The following IL2RA variants were observed in gnomAD, a reference collection of about 807,000 sequenced individuals.
The protein encoded by IL2RA is interleukin-2 receptor subunit alpha.
IL2RA carries 24 observed loss-of-function variants against 37.8 expected under a neutral mutation model. The observed-to-expected ratio is 0.63, with a 90% confidence interval of 0.46 to 0.89. The LOEUF is 0.89. IL2RA is among the 40% of genes least tolerant of loss of function. The pLI is 0.00. For synonymous variants in IL2RA, 125 were observed against 114.6 expected, an observed-to-expected ratio of 1.09 and a Z score of -0.58; for missense variants, 319 against 348.6, an observed-to-expected ratio of 0.92 and a Z score of 0.68.
Position 6,015,907 on chromosome 10 carries a change from G to A in IL2RA, c.794+2146C>T, listed in dbSNP as rs1004268251. Among the ~76,000 whole-genome samples, 1 of 152,154 alleles carries A rather than the reference G, an allele frequency of 6.6e-6. No homozygotes were observed. The highest frequency in any genetic ancestry group is 1.5e-5 in the Non-Finnish European group (1 of 68,020). On this transcript the variant is annotated intron_variant, in intron 7 of 7. Transcript: ENST00000379959. This position sits in a 1 kb window ranked among gnomAD's most constrained non-coding sequence, Gnocchi z 4.9. ...CCAGAATAGGCAAATCCATAGAGAC[G>A]GAACATAGAGTGGTGGTTTCCCGGG...
In IL2RA at chr10:6,025,198, A is replaced by T. The variant is rs1315306573; in HGVS notation, c.256+636T>A. Among the ~76,000 whole-genome samples the T allele has an allele frequency of 6.8e-6, 1 of 147,944 alleles. No homozygotes were observed. The highest frequency in any genetic ancestry group is 1.5e-5 in the Non-Finnish European group (1 of 66,748). On this transcript the variant is annotated intron_variant, in intron 2 of 7. Transcript: ENST00000379959. This position sits in a 1 kb window ranked among gnomAD's most constrained non-coding sequence, Gnocchi z 4.4. ...GCGAAACCCCATCTTTGCTAAAAAT[A>T]AAAAAATTAGCCAGGCATGGTGGTG...
chr10:6,040,797 A>G (rs1301741915), intron 1 of IL2RA, among the ~76,000 whole-genome samples: 3 of 152,248 alleles, frequency 2.0e-5, no homozygotes, highest in East Asian at 1.9e-4. Context: ...GGAAAAAGAG[A>G]AGATAAAAAT....
intron 1 of IL2RA, among the ~76,000 whole-genome samples, chr10:6,059,794 T>C (rs914563329): frequency 2.6e-5 from 4 of 152,160 alleles, no homozygotes; most frequent in African/African-American, 7.2e-5. Context: ...TTACATGTCA[T>C]CCTCATGAAG....
At position 6,048,394 on chromosome 10, in the gene IL2RA, G is replaced by A. The variant is rs1839899115; in HGVS notation, c.64+13694C>T. 2.0e-5 allele frequency among the ~76,000 whole-genome samples: 3 copies of A among 152,222 alleles called. No individual in the cohort carries two copies. Among genetic ancestry groups the A allele is most frequent in the African/African-American group, 7.2e-5 (3 of 41,458 alleles). On this transcript the variant is annotated intron_variant, in intron 1 of 7. Transcript: ENST00000379959. The surrounding 1 kb of genome is among the most constrained non-coding windows in gnomAD (Gnocchi z 5.3). ...GAGGAGAAAGAGTAGGTTCCAGGGA[G>A]GGAGGACAGTTCTGGATGTGTAGAC...
rs576594369 is a variant in IL2RA at position 6,051,668 on chromosome 10, T to A, written c.64+10420A>T. 7.8e-4 allele frequency among the ~76,000 whole-genome samples: 115 copies of A among 146,872 alleles called. 1 individual carries two copies. Among genetic ancestry groups the A allele is most frequent in the African/African-American group, 2.5e-3 (99 of 40,302 alleles). ...CTGAGTAGCTGGGATTACAGGCATG[T>A]GCCACCACACCTGGCTAACTTTTGT... On this transcript the variant is annotated intron_variant, in intron 1 of 7. Coordinates refer to ENST00000379959, the MANE Select transcript of IL2RA (RefSeq NM_000417.3).
At chr10:6,038,108 A>T (rs775982128) in intron 1 of IL2RA, among the ~76,000 whole-genome samples, 2 of 152,182 alleles carry the variant, frequency 1.3e-5, no homozygotes, top group Non-Finnish European at 2.9e-5. Context: ...AGATAAGAAC[A>T]CTGGGCCTGT....
chr10:6,058,674 T>C lies in IL2RA; in HGVS notation c.64+3414A>G, dbSNP rs1202736984. On this transcript the variant is annotated intron_variant, in intron 1 of 7. Coordinates refer to ENST00000379959, the MANE Select transcript of IL2RA (RefSeq NM_000417.3). This position sits in a 1 kb window ranked among gnomAD's most constrained non-coding sequence, Gnocchi z 4.2. The stretch of plus-strand genomic sequence containing the variant: ...TATCTCAATGGGTTTCCACACTGTT[T>C]TTTTAAAGAATTATTTTTGAGTCTA... Among the ~76,000 whole-genome samples, 2 of 152,252 alleles carry C rather than the reference T, an allele frequency of 1.3e-5. No individual in the cohort carries two copies. The highest frequency in any genetic ancestry group is 4.8e-5 in the African/African-American group (2 of 41,460).
chr10:6,012,427 T>A lies in IL2RA; in HGVS notation c.*445A>T. The A allele has an allele frequency of 4.4e-6, 1 of 224,740 alleles. No homozygotes were observed. The highest frequency in any genetic ancestry group is 7.3e-5 in the South Asian group (1 of 13,626). The allele number at this position is 224,740 out of a possible 1,614,324, so 13.9% of individuals were successfully genotyped here. ...GCAGACAATGTCCAGTTGTATAGGG[T>A]AGAGTGTGTGTGTTGTGTATTTACG... is the stretch of plus-strand genomic sequence containing the variant. On this transcript the variant is annotated 3_prime_UTR_variant, in exon 8 of 8. Transcript: ENST00000379959. This position sits in a 1 kb window ranked among gnomAD's most constrained non-coding sequence, Gnocchi z 4.8.
Position 6,020,036 on chromosome 10 carries a change from GC to G in IL2RA, c.584-96del, listed in dbSNP as rs1839360023. 3.0e-6 allele frequency: 3 copies of G among 1,012,240 alleles called. No individual in the cohort carries two copies. In the African/African-American group the frequency reaches 4.7e-5, roughly 16 times the overall value. The allele number at this position is 1,012,240 out of a possible 1,614,324, so 62.7% of individuals were successfully genotyped here. ...GCCCCAGGCAGCCGGCCCCAGACAC[GC>G]CCGAGGAGGCAGGAATCCTGGTGTG... On this transcript the variant is annotated intron_variant, in intron 4 of 7. Coordinates refer to ENST00000379959, the MANE Select transcript of IL2RA (RefSeq NM_000417.3). This position sits in a 1 kb window ranked among gnomAD's most constrained non-coding sequence, Gnocchi z 5.6.
rs1839905401 is a variant in IL2RA, at chr10:6,048,883, A to C, written c.64+13205T>G. ...AGACACAGCTCATGCCCAACTTCAA[A>C]ATCTCTGCTTCCACTATGTGCCTGA... On this transcript the variant is annotated intron_variant, in intron 1 of 7. Transcript: ENST00000379959. The surrounding 1 kb of genome is among the most constrained non-coding windows in gnomAD (Gnocchi z 5.3). 6.6e-6 allele frequency among the ~76,000 whole-genome samples: 1 copy of C among 152,140 alleles called. No homozygotes were observed. The highest frequency in any genetic ancestry group is 1.5e-5 in the Non-Finnish European group (1 of 68,022).
rs577846037 is a variant in IL2RA, at chr10:6,018,282, C to G, written c.728-163G>C. On this transcript the variant is annotated intron_variant, in intron 6 of 7. Transcript: ENST00000379959. The surrounding 1 kb of genome is among the most constrained non-coding windows in gnomAD (Gnocchi z 5.1). Reference sequence around the variant, plus strand: ...AGTAGGTCCCTCCCCATGGGATTTCCTAGGAGTCTTGAGGAACAGGGCAGG... The same window carrying G: ...AGTAGGTCCCTCCCCATGGGATTTCGTAGGAGTCTTGAGGAACAGGGCAGG... Among the ~76,000 whole-genome samples, 4 of 152,096 alleles carry G rather than the reference C, an allele frequency of 2.6e-5. No homozygotes were observed. The highest frequency in any genetic ancestry group is 1.3e-4 in the Admixed American group (2 of 15,296).
At position 6,033,019 on chromosome 10, in the gene IL2RA, A is replaced by C. The variant is rs984807974; in HGVS notation, c.65-6994T>G. On this transcript the variant is annotated intron_variant, in intron 1 of 7. Coordinates refer to ENST00000379959, the MANE Select transcript of IL2RA (RefSeq NM_000417.3). The surrounding 1 kb of genome is among the most constrained non-coding windows in gnomAD (Gnocchi z 4.3). ...CGTCAAATACTGGGGAGGAAGTAGA[A>C]CTACCAGAACTCTCTTATGTTACTG... Among the ~76,000 whole-genome samples, 8 of 152,250 alleles carry C rather than the reference A, an allele frequency of 5.3e-5. No individual in the cohort carries two copies. Among genetic ancestry groups the C allele is most frequent in the Non-Finnish European group, 1.0e-4 (7 of 68,048 alleles).
chr10:6,031,512 G>GTATATATA (rs58221909), intron 1 of IL2RA, among the ~76,000 whole-genome samples: 5 of 52,690 alleles, frequency 9.5e-5, no homozygotes, highest in African/African-American at 1.4e-4. Context: ...ATATATATAT[G>GTATATATA]TATATATATG....
intron 1 of IL2RA, among the ~76,000 whole-genome samples, chr10:6,041,593 A>C (rs2132881444): frequency 6.6e-6 from 1 of 152,356 alleles, no homozygotes; most frequent in East Asian, 1.9e-4. Flanking sequence ...AATAAGTCCA[A>C]ATGTAGTACA....
At chr10:6,041,116 CTT>C (rs34852465) in intron 1 of IL2RA, among the ~76,000 whole-genome samples, 11 of 126,450 alleles carry the variant, frequency 8.7e-5, no homozygotes, top group African/African-American at 1.2e-4. Context: ...TGAGTTAATT[CTT>C]TTTTTTTTTT....
At chr10:6,051,659 A>G (rs1209055109) in intron 1 of IL2RA, among the ~76,000 whole-genome samples, 5 of 146,432 alleles carry the variant, frequency 3.4e-5, no homozygotes, top group Non-Finnish European at 6.0e-5. Context: ...AGCTGGGATT[A>G]CAGGCATGTG....
chr10:6,024,553 C>T (rs149041515), intron 2 of IL2RA, among the ~76,000 whole-genome samples, 199 bp from the exon 3 acceptor site: 112 of 152,284 alleles, frequency 7.4e-4, no homozygotes, highest in African/African-American at 2.6e-3. Context: ...GTGCATATGG[C>T]AATGCCCACG....
intron 1 of IL2RA, among the ~76,000 whole-genome samples, chr10:6,043,671 C>G: frequency 6.6e-6 from 1 of 152,198 alleles, no homozygotes; most frequent in Non-Finnish European, 1.5e-5. Context: ...CTCCTGACCT[C>G]AGGTGATCTA....
intron 1 of IL2RA, among the ~76,000 whole-genome samples, chr10:6,034,466 G>A (rs140357787): frequency 3.2e-4 from 49 of 152,072 alleles, no homozygotes; most frequent in African/African-American, 1.1e-3. Context: ...CCTTCTCAGT[G>A]TAGTGTTATA....
Sources: gnomAD v4.1 joint callset for allele counts (sites outside exome capture counted in the v4.1 genomes callset) on GRCh38, gnomAD v4.1.1 for gene constraint, Gnocchi (gnomAD v3.1) non-coding constraint, MANE v1.5 for transcripts, NCBI Gene and HGNC (gene_info 2026-07-23, HGNC 2026-07-21) for gene names.